Variants in MGAT5 observed in about 807,000 individuals in gnomAD.
The protein encoded by MGAT5 is alpha-1,6-mannosylglycoprotein 6-beta-N-acetylglucosaminyltransferase A.
Under a neutral mutation model 94.3 loss-of-function variants are expected in MGAT5, and 30 were observed. That is an observed-to-expected ratio of 0.32 (90% CI 0.24 to 0.43). MGAT5 has a LOEUF of 0.43. Among genes scored for constraint, MGAT5 ranks in the 20% least tolerant of loss-of-function variants. The probability of loss-of-function intolerance (pLI) is 1.00; values close to 1 mark genes in which losing one functional copy is unlikely to be tolerated. For synonymous variants in MGAT5, 310 were observed against 322.9 expected, an observed-to-expected ratio of 0.96 and a Z score of 0.43; for missense variants, 691 against 905.5, an observed-to-expected ratio of 0.76 and a Z score of 3.04.
intron 15 of MGAT5, among the ~76,000 whole-genome samples, chr2:134,442,525 C>T (rs1179875069): frequency 5.9e-5 from 9 of 152,136 alleles, no homozygotes; most frequent in Admixed American, 1.3e-4. Flanking sequence ...CCTGAGTCTG[C>T]GGGGTCTCTT....
intron 1 of MGAT5, among the ~76,000 whole-genome samples, chr2:134,132,883 C>T (rs1329854738): frequency 6.6e-6 from 1 of 152,242 alleles, no homozygotes; most frequent in Non-Finnish European, 1.5e-5. Flanking sequence ...TCCTTGCCAT[C>T]TAACATTACA....
chr2:134,205,472 C>T (rs1473376340), intron 1 of MGAT5, among the ~76,000 whole-genome samples: 2 of 152,052 alleles, frequency 1.3e-5, no homozygotes, highest in Admixed American at 6.5e-5. Flanking sequence ...GTGAAGAGAA[C>T]GTACACATGA....
chr2:134,133,643 A>G (rs1391970798), intron 1 of MGAT5, among the ~76,000 whole-genome samples: 1 of 152,234 alleles, frequency 6.6e-6, no homozygotes, highest in Non-Finnish European at 1.5e-5. Context: ...CATCAAGTCA[A>G]TATGTAGAGA....
At chr2:134,353,946 C>G (rs1679554908) in intron 9 of MGAT5, among the ~76,000 whole-genome samples, 1 of 152,148 alleles carries the variant, frequency 6.6e-6, no homozygotes, top group African/African-American at 2.4e-5. Flanking sequence ...CCACAGTGAA[C>G]TTGGATGCAT....
chr2:134,400,473 C>T (rs1682977254), intron 10 of MGAT5, among the ~76,000 whole-genome samples: 1 of 152,114 alleles, frequency 6.6e-6, no homozygotes, highest in Non-Finnish European at 1.5e-5. Context: ...CTTTATTAGT[C>T]TTTACATATA....
At chr2:134,142,572 C>T (rs1686707882) in intron 1 of MGAT5, among the ~76,000 whole-genome samples, 1 of 152,148 alleles carries the variant, frequency 6.6e-6, no homozygotes, top group Non-Finnish European at 1.5e-5. Context: ...AGGGGCAAAA[C>T]CAATAATTAT....
chr2:134,443,844 T>C (rs1386093389), intron 15 of MGAT5, among the ~76,000 whole-genome samples: 1 of 152,198 alleles, frequency 6.6e-6, no homozygotes, highest in African/African-American at 2.4e-5. Context: ...AGGGACTGTC[T>C]GCATAAGCCC....
rs1680725096 is a variant in MGAT5 at position 134,220,814 on chromosome 2, A to G, written c.-142-33448A>G. On this transcript the variant is annotated intron_variant, in intron 1 of 16. Transcript: ENST00000409645. The stretch of plus-strand genomic sequence containing the variant: ...TGTTACTGACTCCTCACTCTGACTT[A>G]TAGCAGGCAGTTAGCTGTGGCCTCA... 2.0e-5 allele frequency among the ~76,000 whole-genome samples: 3 copies of G among 152,108 alleles called. No homozygotes were observed. The South Asian group carries it at 6.2e-4, about 32-fold the overall frequency.
intron 1 of MGAT5, among the ~76,000 whole-genome samples, chr2:134,255,536 T>TAC (rs202116668): frequency 0.014 from 2,165 of 151,534 alleles, 27 homozygotes; most frequent in Non-Finnish European, 0.022. Flanking sequence ...CATATATATA[T>TAC]ACATACACAT....
intron 1 of MGAT5, among the ~76,000 whole-genome samples, chr2:134,235,650 A>G (rs1681600176): frequency 6.6e-6 from 1 of 152,116 alleles, no homozygotes; most frequent in South Asian, 2.1e-4. Context: ...ACGTTTTGCT[A>G]AGGTATTAAT....
chr2:134,344,980 A>G lies in MGAT5; in HGVS notation c.1028A>G (p.Asp343Gly). 6.2e-7 allele frequency: 1 copy of G among 1,613,624 alleles called. No homozygotes were observed. Among genetic ancestry groups the G allele is most frequent in the Middle Eastern group, 1.6e-4 (1 of 6,062 alleles). Residue 343 changes from aspartate to glycine, a missense_variant, in exon 8 of 16, where the codon GAC (aspartate) becomes GGC (glycine). By Grantham distance (94) the Asp-to-Gly change is moderately conservative. Transcript: ENST00000281923. Reference sequence around the variant, plus strand: ...CGATCTGGCTGCCCAACTGTAGGAGACAGAATTGTTGAGCTCATTTACATT... The same window carrying G: ...CGATCTGGCTGCCCAACTGTAGGAGGCAGAATTGTTGAGCTCATTTACATT... The part of the protein sequence containing the change: ...GNRSGCPTVG[D>G]RIVELIYIDI...
chr2:134,338,512 C>G, intron 6 of MGAT5, 92 bp downstream of exon 6: 1 of 1,342,486 alleles, frequency 7.4e-7, no homozygotes, highest in Non-Finnish European at 1.0e-6. Flanking sequence ...AATGTCATAT[C>G]TCAAATGATA....
Position 134,422,859 on chromosome 2 carries a change from TG to T in MGAT5, c.1735del (p.Val579LeufsTer9). 6.2e-7 allele frequency: 1 copy of T among 1,614,016 alleles called. No individual in the cohort carries two copies. Among genetic ancestry groups the T allele is most frequent in the Non-Finnish European group, 8.5e-7 (1 of 1,179,890 alleles). On this transcript the variant is annotated frameshift_variant, in exon 13 of 16. Coordinates refer to ENST00000281923, the MANE Select transcript of MGAT5 (RefSeq NM_002410.5). LOFTEE classifies it high-confidence loss of function. ...VFIGRPHVWT[V>X]DLNNQEEVED... ...TCATCGGGCGGCCACATGTGTGGACTGTTGACCTCAACAATCAGGAGGAAGT... is the reference window on the plus strand; with the variant it reads ...TCATCGGGCGGCCACATGTGTGGACTTTGACCTCAACAATCAGGAGGAAGT...
chr2:134,422,773 G>T, intron 12 of MGAT5, 30 bp from the exon 13 acceptor site: 1 of 1,564,310 alleles, frequency 6.4e-7, no homozygotes, highest in Non-Finnish European at 8.8e-7. Context: ...AAAATTGCTT[G>T]TGAGACTGAG....
chr2:134,275,577 C>CTTTT (rs1684306448), intron 2 of MGAT5, among the ~76,000 whole-genome samples: 1 of 117,540 alleles, frequency 8.5e-6, no homozygotes, highest in African/African-American at 4.0e-5. Flanking sequence ...GGTGCTATTT[C>CTTTT]CTTTTTTTTT....
chr2:134,290,437 C>T (rs1333309422), intron 2 of MGAT5, among the ~76,000 whole-genome samples: 1 of 152,182 alleles, frequency 6.6e-6, no homozygotes, highest in African/African-American at 2.4e-5. Flanking sequence ...TCATCCTCTT[C>T]CTTTCTTACA....
chr2:134,419,869 T>G lies in MGAT5; in HGVS notation c.1678-2934T>G, dbSNP rs16830585. Reference sequence around the variant, plus strand: ...CATGTAAATTACTAAATAGTGACATTGATGGCAACTTTAACTTACCCTGAT... The same window carrying G: ...CATGTAAATTACTAAATAGTGACATGGATGGCAACTTTAACTTACCCTGAT... On this transcript the variant is annotated intron_variant, in intron 12 of 15. Transcript: ENST00000281923. Among the ~76,000 whole-genome samples, 321 of 152,262 alleles carry G rather than the reference T, an allele frequency of 2.1e-3. 4 individuals are homozygous for G. The East Asian group carries it at 0.04, about 19-fold the overall frequency.
chr2:134,244,057 T>C (rs1682106140), intron 1 of MGAT5, among the ~76,000 whole-genome samples: 1 of 152,196 alleles, frequency 6.6e-6, no homozygotes, highest in Admixed American at 6.5e-5. Context: ...AGTCTGATCC[T>C]CAGAGAAAAG....
intron 1 of MGAT5, among the ~76,000 whole-genome samples, chr2:134,178,387 T>G (rs1020512007): frequency 6.6e-6 from 1 of 151,954 alleles, no homozygotes; most frequent in African/African-American, 2.4e-5. Context: ...GGCAGGGTGG[T>G]GGGGGTGGCA....
Sources: allele counts gnomAD v4.1 joint callset (sites outside exome capture counted in the v4.1 genomes callset), GRCh38; gene constraint gnomAD v4.1.1; transcripts MANE v1.5; gene names NCBI Gene and HGNC (gene_info 2026-07-23, HGNC 2026-07-21).